The following ENOX1 variants were observed in gnomAD, a reference collection of about 807,000 sequenced individuals.
The protein encoded by ENOX1 is ecto-NOX disulfide-thiol exchanger 1, also known as candidate growth-related and time keeping constitutive hydroquinone (NADH) oxidase.
Under a neutral mutation model 82.5 loss-of-function variants are expected in ENOX1, and 42 were observed. The observed-to-expected ratio is 0.51, with a 90% CI of 0.40 to 0.66. The LOEUF is 0.66. ENOX1 is among the 30% of genes least tolerant of loss of function. The pLI is 0.00. For missense variants in ENOX1, 608 were observed against 811.6 expected, an observed-to-expected ratio of 0.75 and a Z score of 3.05; for synonymous variants, 271 against 282.2, an observed-to-expected ratio of 0.96 and a Z score of 0.40.
At chr13:43,292,064 C>A (rs967124024) in intron 12 of ENOX1, among the ~76,000 whole-genome samples, 1 of 152,128 alleles carries the variant, frequency 6.6e-6, no homozygotes, top group Admixed American at 6.5e-5. Flanking sequence ...CCAGCCATCA[C>A]CTTGCTCATG....
intron 1 of ENOX1, among the ~76,000 whole-genome samples, chr13:43,752,371 A>C (rs1950371248): frequency 6.6e-6 from 1 of 152,094 alleles, no homozygotes; most frequent in South Asian, 2.1e-4. Context: ...ATGAGCAGAA[A>C]TTTTTGATTT....
chr13:43,642,518 G>T (rs2083698485), intron 2 of ENOX1, among the ~76,000 whole-genome samples: 2 of 152,188 alleles, frequency 1.3e-5, no homozygotes, highest in Non-Finnish European at 2.9e-5. Flanking sequence ...AAATTTAGCT[G>T]ATAGGTGTCA....
chr13:43,389,440 C>A (rs1020971465), intron 5 of ENOX1, among the ~76,000 whole-genome samples: 5 of 152,272 alleles, frequency 3.3e-5, no homozygotes, highest in African/African-American at 1.2e-4. Context: ...AAATTTTATA[C>A]AGGGCAATTT....
chr13:43,487,241 A>G (rs531823848), intron 2 of ENOX1, among the ~76,000 whole-genome samples: 4 of 152,168 alleles, frequency 2.6e-5, no homozygotes, highest in Non-Finnish European at 5.9e-5. Flanking sequence ...GGTATCAGTG[A>G]TGGAAAACGT....
chr13:43,371,075 C>T (rs1022956476), intron 5 of ENOX1, among the ~76,000 whole-genome samples: 1 of 152,128 alleles, frequency 6.6e-6, no homozygotes, highest in East Asian at 1.9e-4. Flanking sequence ...TCTCATTAGC[C>T]GATGATTAAT....
intron 3 of ENOX1, among the ~76,000 whole-genome samples, chr13:43,443,255 A>G (rs998544848): frequency 6.6e-6 from 1 of 152,190 alleles, no homozygotes; most frequent in South Asian, 2.1e-4. Context: ...GGATGTGGGG[A>G]GCAAATAAAT....
In ENOX1 at chr13:43,531,256, T is replaced by C. The variant is rs371511190; in HGVS notation, c.-218-47104A>G. On this transcript the variant is annotated intron_variant, in intron 2 of 16. Coordinates refer to ENST00000690772, the MANE Select transcript of ENOX1 (RefSeq NM_001347969.2). ...AAAAACAAACAACCCCATTGAAAAG[T>C]GGGTGAAGGATATGAATAGACACTT... Among the ~76,000 whole-genome samples, 6 of 151,952 alleles carry C rather than the reference T, an allele frequency of 3.9e-5. No individual in the cohort carries two copies. The East Asian group carries it at 5.8e-4, about 15-fold the overall frequency.
chr13:43,435,417 C>A (rs1182028380), intron 3 of ENOX1, among the ~76,000 whole-genome samples: 1 of 152,174 alleles, frequency 6.6e-6, no homozygotes, highest in African/African-American at 2.4e-5. Flanking sequence ...AAAGTGGAGG[C>A]CATGGGAAGC....
rs1406164664 is a variant in ENOX1, at chr13:43,715,152, T to C, written c.-284-47608A>G. On this transcript the variant is annotated intron_variant, in intron 1 of 16. Coordinates refer to ENST00000690772, the MANE Select transcript of ENOX1 (RefSeq NM_001347969.2). ...ATTTGCTTGTCTGTAAAGTATTTTA[T>C]TTCTCCTTCACTTATGAAGCTTAGT... 2.0e-5 allele frequency among the ~76,000 whole-genome samples: 3 copies of C among 152,324 alleles called. No homozygotes were observed. In the East Asian group the frequency reaches 5.8e-4, roughly 29 times the overall value.
intron 5 of ENOX1, among the ~76,000 whole-genome samples, chr13:43,371,494 A>G (rs1316657285): frequency 4.6e-5 from 7 of 152,224 alleles, no homozygotes; most frequent in Non-Finnish European, 8.8e-5. Context: ...ATAACAGCAG[A>G]GATGGTAATT....
rs1251369384 is a variant in ENOX1 at position 43,667,528 on chromosome 13, T to A, written c.-268A>T. 1 of 984,850 alleles carries A rather than the reference T, an allele frequency of 1.0e-6. No homozygotes were observed. The allele number at this position is 984,850 out of a possible 1,614,324, so 61.0% of individuals were successfully genotyped here. On this transcript the variant is annotated 5_prime_UTR_variant, in exon 2 of 17. It removes an upstream start codon present in the reference 5' UTR. Transcript: ENST00000690772. ...TCCACATATTATAAATACGACATCA[T>A]GCTGGCAGCAAAGGACCTGTAAAAT...
At chr13:43,550,465 G>A (rs2079147173) in intron 2 of ENOX1, among the ~76,000 whole-genome samples, 1 of 152,154 alleles carries the variant, frequency 6.6e-6, no homozygotes, top group Non-Finnish European at 1.5e-5. Context: ...GGTATAAGTA[G>A]GGAGAGAACC....
At chr13:43,270,284 GT>G (rs1169844061) in intron 12 of ENOX1, among the ~76,000 whole-genome samples, 1 of 152,170 alleles carries the variant, frequency 6.6e-6, no homozygotes, top group Non-Finnish European at 1.5e-5. Context: ...ATGGTGATAT[GT>G]TAATATATAC....
At chr13:43,598,082 CTT>C (rs1441327885) in intron 2 of ENOX1, among the ~76,000 whole-genome samples, 2 of 152,122 alleles carry the variant, frequency 1.3e-5, no homozygotes, top group Admixed American at 6.6e-5. Flanking sequence ...CTGGCTGCCT[CTT>C]GTGTCTCCCG....
chr13:43,674,971 C>T (rs936031658), intron 1 of ENOX1, among the ~76,000 whole-genome samples: 1 of 152,146 alleles, frequency 6.6e-6, no homozygotes, highest in Non-Finnish European at 1.5e-5. Flanking sequence ...AAAGGCCCAG[C>T]TTGGCTAAAG....
At chr13:43,690,605 G>A (rs901279925) in intron 1 of ENOX1, among the ~76,000 whole-genome samples, 2 of 152,100 alleles carry the variant, frequency 1.3e-5, no homozygotes, top group Admixed American at 6.6e-5. Context: ...TTAATTTTTC[G>A]TTTGATTTGA....
chr13:43,692,770 T>C (rs758815950), intron 1 of ENOX1, among the ~76,000 whole-genome samples: 1 of 152,148 alleles, frequency 6.6e-6, no homozygotes, highest in Non-Finnish European at 1.5e-5. Context: ...AAAAATACTC[T>C]GAGTTATTGA....
At chr13:43,277,166 CCTTGGGTCTTT>C (rs2045092501) in intron 12 of ENOX1, among the ~76,000 whole-genome samples, 1 of 152,194 alleles carries the variant, frequency 6.6e-6, no homozygotes, top group Admixed American at 6.5e-5. Flanking sequence ...ATATTTAATT[CCTTGGGTCTTT>C]CCTCATAAAT....
At chr13:43,580,425 C>T (rs183832414) in intron 2 of ENOX1, among the ~76,000 whole-genome samples, 19 of 152,332 alleles carry the variant, frequency 1.2e-4, no homozygotes, top group African/African-American at 4.6e-4. Context: ...TTTGGAGCAG[C>T]TTCTCTGTGA....
Sources: gnomAD v4.1 joint callset for allele counts (sites outside exome capture counted in the v4.1 genomes callset) on GRCh38, gnomAD v4.1.1 for gene constraint, MANE v1.5 for transcripts, NCBI Gene and HGNC (gene_info 2026-07-23, HGNC 2026-07-21) for gene names.